The following GSE1 variants were observed in gnomAD, a reference collection of about 807,000 sequenced individuals.
GSE1 encodes Gse1 coiled-coil protein, also known as genetic suppressor element 1.
A neutral mutation model predicts 112.6 loss-of-function variants in GSE1; 32 were observed. The ratio of observed to expected loss-of-function variants is 0.28; its 90% confidence interval spans 0.21 to 0.38. GSE1 has a LOEUF of 0.38. GSE1 is among the 10% of genes least tolerant of loss of function. The probability of loss-of-function intolerance (pLI) is 1.00; values close to 1 mark genes in which losing one functional copy is unlikely to be tolerated. For synonymous variants in GSE1, 1,115 were observed against 735.6 expected, an observed-to-expected ratio of 1.52 and a Z score of -8.35; for missense variants, 2,348 against 1,699.2, an observed-to-expected ratio of 1.38 and a Z score of -6.71.
At position 85,656,424 on chromosome 16, in the gene GSE1, GGAGAAGGAACGTGAGCGCGAACGC is replaced by G. The variant is rs755888331; in HGVS notation, c.1080_1103del (p.Arg363_Glu370del). 19 of 1,575,308 alleles carry G rather than the reference GGAGAAGGAACGTGAGCGCGAACGC, an allele frequency of 1.2e-5. No individual in the cohort carries two copies. The East Asian group carries it at 3.9e-4, about 32-fold the overall frequency. ...GTGAGCGTGAGGCTGACCGCGAGCG[GGAGAAGGAACGTGAGCGCGAACGC>G]GAGAAGGAGCGCGAGCAAGAGAAGG... is the stretch of plus-strand genomic sequence containing the variant. On this transcript the variant is annotated inframe_deletion, in exon 7 of 16. Coordinates refer to ENST00000253458, the MANE Select transcript of GSE1 (RefSeq NM_014615.5).
At chr16:85,423,619 G>A (rs1464549921) in intron 2 of GSE1, among the ~76,000 whole-genome samples, 1 of 151,556 alleles carries the variant, frequency 6.6e-6, no homozygotes. Flanking sequence ...AAAAGAGAAT[G>A]CGCAGTGGGG....
chr16:85,586,687 AC>A (rs2151412642), intron 1 of GSE1, among the ~76,000 whole-genome samples: 1 of 151,330 alleles, frequency 6.6e-6, no homozygotes, highest in East Asian at 2.0e-4. Flanking sequence ...GGAAAGTATC[AC>A]CCCTCCCACC....
chr16:85,492,108 G>C (rs1473008119), intron 2 of GSE1, among the ~76,000 whole-genome samples: 1 of 152,228 alleles, frequency 6.6e-6, no homozygotes, highest in Non-Finnish European at 1.5e-5. Flanking sequence ...GAGGCAGCGG[G>C]TGCCAGACAG....
At chr16:85,614,065 G>T (rs1180402261) in intron 1 of GSE1, among the ~76,000 whole-genome samples, 2 of 30,932 alleles carry the variant, frequency 6.5e-5, no homozygotes, top group African/African-American at 1.3e-4. Flanking sequence ...CCCCACCCCC[G>T]GCGGAGCGGC....
intron 1 of GSE1, among the ~76,000 whole-genome samples, chr16:85,557,186 G>C (rs1477479977): frequency 6.6e-6 from 1 of 152,154 alleles, no homozygotes; most frequent in African/African-American, 2.4e-5. Flanking sequence ...TGAACCCCAG[G>C]GTTCTTCCCC....
At chr16:85,289,868 G>A (rs1027903693) in intron 1 of GSE1, among the ~76,000 whole-genome samples, 14 of 152,188 alleles carry the variant, frequency 9.2e-5, no homozygotes, top group Non-Finnish European at 2.1e-4. Flanking sequence ...GTTTTACTCA[G>A]AAAGAAGCCC....
intron 2 of GSE1, among the ~76,000 whole-genome samples, chr16:85,389,288 C>T (rs113302068): frequency 0.077 from 11,741 of 151,990 alleles, 1,511 homozygotes; most frequent in African/African-American, 0.27. Context: ...GGTGAAACCC[C>T]GTCTCTACTA....
upstream of GSE1, among the ~76,000 whole-genome samples, chr16:85,551,190 CAG>C (rs2044897850): frequency 6.6e-6 from 1 of 152,200 alleles, no homozygotes; most frequent in Admixed American, 6.5e-5. Context: ...GGGATGGGGA[CAG>C]AGAGCATTGC....
rs1043183415 is a variant in GSE1 at position 85,661,278 on chromosome 16, G to T, written c.1773G>T (p.Met591Ile). ...PTALWNPVSLMDNTLETRRAE... is the reference protein window; with the variant it reads ...PTALWNPVSLIDNTLETRRAE... ...CCCTCTGGAACCCCGTGTCCCTGAT[G>T]GACAACACCTTGGAGACGCGGCGGG... Residue 591 changes from methionine (M) to isoleucine (I), a missense_variant, in exon 9 of 16, where the codon ATG (methionine) becomes ATT (isoleucine). Transcript: ENST00000253458. The T allele has an allele frequency of 5.6e-6, 9 of 1,612,844 alleles. No individual in the cohort carries two copies. Among genetic ancestry groups the T allele is most frequent in the Non-Finnish European group, 7.6e-6 (9 of 1,180,000 alleles).
At chr16:85,563,423 C>T (rs895371000) in intron 1 of GSE1, among the ~76,000 whole-genome samples, 3 of 152,216 alleles carry the variant, frequency 2.0e-5, no homozygotes, top group Non-Finnish European at 4.4e-5. Flanking sequence ...CCAGGCCCTC[C>T]GCAGCTGGGG....
At chr16:85,177,737 G>A (rs2074496512) in intron 1 of GSE1, among the ~76,000 whole-genome samples, 1 of 152,152 alleles carries the variant, frequency 6.6e-6, no homozygotes, top group African/African-American at 2.4e-5. Context: ...TTGGGGCCTG[G>A]TTTTAAATTT....
chr16:85,216,832 C>T (rs1269473963), intron 1 of GSE1, among the ~76,000 whole-genome samples: 1 of 152,354 alleles, frequency 6.6e-6, no homozygotes, highest in South Asian at 2.1e-4. Context: ...CTGCTCAAAC[C>T]CACTCCTGTC....
intron 2 of GSE1, among the ~76,000 whole-genome samples, chr16:85,418,754 G>A (rs1317478735): frequency 6.6e-6 from 1 of 152,220 alleles, no homozygotes; most frequent in Non-Finnish European, 1.5e-5. Flanking sequence ...CCGGCAAGCA[G>A]GGAGCCACCA....
chr16:85,222,143 C>T (rs1261663279), intron 1 of GSE1, among the ~76,000 whole-genome samples: 2 of 152,222 alleles, frequency 1.3e-5, no homozygotes, highest in African/African-American at 4.8e-5. Flanking sequence ...CTGGCACCCA[C>T]TGCCCCTCCC....
At chr16:85,619,946 C>T (rs1385490123) in intron 1 of GSE1, among the ~76,000 whole-genome samples, 1 of 152,102 alleles carries the variant, frequency 6.6e-6, no homozygotes, top group East Asian at 1.9e-4. Flanking sequence ...AACTCCCACC[C>T]GCTCTCCCTT....
chr16:85,275,679 G>T (rs1909288677), intron 1 of GSE1, among the ~76,000 whole-genome samples: 8 of 152,218 alleles, frequency 5.3e-5, no homozygotes, highest in Admixed American at 2.6e-4. Flanking sequence ...AGGGTGAGGG[G>T]ACCCCAGGGA....
At position 85,181,140 on chromosome 16, in the gene GSE1, C is replaced by G. The variant is rs78306069; in HGVS notation, c.2283+9333C>G. 1.8e-3 allele frequency among the ~76,000 whole-genome samples: 274 copies of G among 152,348 alleles called. 1 individual carries two copies. The highest frequency in any genetic ancestry group is 6.3e-3 in the African/African-American group (261 of 41,570). ...AGCTGCCCACAGGGTCCGCTGGCCC[C>G]GGGATCCTTCTGGGTCTCATCTGGG... On this transcript the variant is annotated intron_variant, in intron 1 of 2. Transcript: ENST00000637419.
At chr16:85,537,471 G>A (rs1030555975) in intron 2 of GSE1, among the ~76,000 whole-genome samples, 1 of 152,192 alleles carries the variant, frequency 6.6e-6, no homozygotes, top group Admixed American at 6.5e-5. Flanking sequence ...CCCAACCTGG[G>A]GTCAACGGGG....
At chr16:85,651,962 C>T (rs929171764) in intron 3 of GSE1, among the ~76,000 whole-genome samples, 3 of 152,224 alleles carry the variant, frequency 2.0e-5, no homozygotes, top group Non-Finnish European at 2.9e-5. Flanking sequence ...CCTCGTGCTC[C>T]GTTCCTCAGA....
Sources: gnomAD v4.1 joint callset for allele counts (sites outside exome capture counted in the v4.1 genomes callset) on GRCh38, gnomAD v4.1.1 for gene constraint, MANE v1.5 for transcripts, NCBI Gene and HGNC (gene_info 2026-07-23, HGNC 2026-07-21) for gene names.